The following TRDN variants were observed in gnomAD, a reference collection of about 807,000 sequenced individuals.
TRDN encodes triadin in skeletal muscle.
In TRDN, 161 loss-of-function variants were observed where a neutral mutation model predicts 149.7. That is an observed-to-expected ratio of 1.08 (90% CI 0.95 to 1.23). The LOEUF is 1.23. Among genes scored for constraint, TRDN ranks in the 50% most tolerant of loss-of-function variants. TRDN has a pLI of 0.00. For synonymous variants in TRDN, 294 were observed against 250.5 expected (o/e 1.17, Z -1.64); for missense variants, 896 against 823.5 (o/e 1.09, Z -1.08).
intron 24 of TRDN, among the ~76,000 whole-genome samples, chr6:123,281,123 A>T (rs1211847655): frequency 1.3e-5 from 2 of 152,038 alleles, no homozygotes; most frequent in African/African-American, 4.8e-5. Context: ...TCTGATATTC[A>T]GGCGGAAAAA....
chr6:123,225,555 C>G (rs774153030), intron 38 of TRDN, among the ~76,000 whole-genome samples: 23 of 150,610 alleles, frequency 1.5e-4, no homozygotes, highest in Non-Finnish European at 3.3e-4. Flanking sequence ...TACACACACA[C>G]AGAATGGTGG....
At chr6:123,577,616 G>A (rs1211299134) in intron 1 of TRDN, among the ~76,000 whole-genome samples, 1 of 152,122 alleles carries the variant, frequency 6.6e-6, no homozygotes, top group African/African-American at 2.4e-5. Flanking sequence ...GCATGCATGT[G>A]TCTTTAAGGT....
intron 24 of TRDN, among the ~76,000 whole-genome samples, chr6:123,285,116 C>T (rs1777752356): frequency 6.6e-6 from 1 of 151,720 alleles, no homozygotes; most frequent in Non-Finnish European, 1.5e-5. Context: ...ACCACATTGC[C>T]CAAAGCAATC....
intron 5 of TRDN, among the ~76,000 whole-genome samples, chr6:123,518,432 G>A (rs929594790): frequency 3.3e-5 from 5 of 152,136 alleles, no homozygotes; most frequent in African/African-American, 1.2e-4. Flanking sequence ...CCAAGTTTGT[G>A]TGAGATAAGC....
chr6:123,253,675 T>G (rs1440070303), intron 37 of TRDN, among the ~76,000 whole-genome samples: 1 of 152,152 alleles, frequency 6.6e-6, no homozygotes, highest in African/African-American at 2.4e-5. Flanking sequence ...GTTGGACTTG[T>G]GCTTTCGTAC....
intron 1 of TRDN, among the ~76,000 whole-genome samples, chr6:123,594,188 GA>G (rs1783921354): frequency 6.6e-6 from 1 of 152,078 alleles, no homozygotes; most frequent in Non-Finnish European, 1.5e-5. Context: ...AATTTGACCA[GA>G]AATTAAATGC....
At chr6:123,242,109 A>G (rs1171629311) in intron 38 of TRDN, among the ~76,000 whole-genome samples, 4 of 152,174 alleles carry the variant, frequency 2.6e-5, no homozygotes, top group African/African-American at 9.6e-5. Context: ...CCCCCTGTCT[A>G]GAGCCTTATG....
chr6:123,498,496 T>G (rs1266087726), intron 8 of TRDN: 4 of 469,402 alleles, frequency 8.5e-6, no homozygotes, highest in Non-Finnish European at 1.8e-5. Flanking sequence ...AATTTAGATG[T>G]ATTTTAGTTG....
intron 23 of TRDN, among the ~76,000 whole-genome samples, chr6:123,325,756 A>G (rs1186163123): frequency 6.6e-6 from 1 of 152,098 alleles, no homozygotes; most frequent in Non-Finnish European, 1.5e-5. Flanking sequence ...ACACTGGTTA[A>G]GTTTACTATG....
intron 32 of TRDN, 50 bp from the exon 33 acceptor site, chr6:123,265,388 T>C (rs2114598645): frequency 8.1e-7 from 1 of 1,241,856 alleles, no homozygotes; most frequent in Non-Finnish European, 1.1e-6. Context: ...ATTTTCTATC[T>C]ATGGGTGACA....
chr6:123,569,155 G>A (rs991644792), intron 2 of TRDN, among the ~76,000 whole-genome samples: 5 of 152,240 alleles, frequency 3.3e-5, no homozygotes, highest in Non-Finnish European at 7.4e-5. Context: ...TCTCAGGTCC[G>A]TACTTCTACA....
At chr6:123,271,076 CAT>C in intron 30 of TRDN, 61 bp downstream of exon 30, 3 of 1,001,988 alleles carry the variant, frequency 3.0e-6, no homozygotes, top group African/African-American at 1.7e-5. Context: ...TGCATGCACA[CAT>C]ATGAGTGCAC....
At chr6:123,598,344 C>T (rs981122269) in intron 1 of TRDN, among the ~76,000 whole-genome samples, 1 of 151,976 alleles carries the variant, frequency 6.6e-6, no homozygotes, top group South Asian at 2.1e-4. Context: ...AATAACAGAT[C>T]GTATTGTATG....
At chr6:123,373,928 C>A (rs1314397134) in intron 19 of TRDN, among the ~76,000 whole-genome samples, 1 of 152,096 alleles carries the variant, frequency 6.6e-6, no homozygotes, top group African/African-American at 2.4e-5. Flanking sequence ...TTATAAGTAG[C>A]CTGCTGTATG....
intron 8 of TRDN, chr6:123,502,156 T>C (rs1460591465): frequency 1.0e-6 from 1 of 984,120 alleles, no homozygotes; most frequent in Non-Finnish European, 1.2e-6. Context: ...CAATCTAAAG[T>C]GTAAAGGATT....
At chr6:123,424,000 T>C (rs977227471) in intron 12 of TRDN, among the ~76,000 whole-genome samples, 4 of 152,070 alleles carry the variant, frequency 2.6e-5, no homozygotes, top group Admixed American at 1.3e-4. Context: ...TGAGCCTACA[T>C]GGTTAGAGTT....
At chr6:123,607,515 C>T (rs1456052612) in intron 1 of TRDN, among the ~76,000 whole-genome samples, 1 of 152,016 alleles carries the variant, frequency 6.6e-6, no homozygotes, top group Non-Finnish European at 1.5e-5. Flanking sequence ...AGCACATGGC[C>T]CTCTGCTGTA....
chr6:123,498,325 T>C (rs557223986), intron 8 of TRDN: 70 of 277,458 alleles, frequency 2.5e-4, no homozygotes, highest in African/African-American at 1.4e-3. Flanking sequence ...GTAAATCTCG[T>C]TCTTTTTAGA....
chr6:123,501,341 A>C (rs897501279), intron 8 of TRDN, among the ~76,000 whole-genome samples: 16 of 151,268 alleles, frequency 1.1e-4, no homozygotes, highest in Admixed American at 9.2e-4. Context: ...GAATGCCTCA[A>C]ACATATTAGG....
Sources: gnomAD v4.1 joint callset for allele counts (sites outside exome capture counted in the v4.1 genomes callset) on GRCh38, gnomAD v4.1.1 for gene constraint, MANE v1.5 for transcripts, NCBI Gene and HGNC (gene_info 2026-07-23, HGNC 2026-07-21) for gene names.